PHF3: variants seen among roughly 807,000 people sequenced by gnomAD.
PHF3 encodes PHD finger protein 3.
In PHF3, 41 loss-of-function variants were observed where a neutral mutation model predicts 178.4. The observed-to-expected ratio is 0.23, with a 90% confidence interval of 0.18 to 0.30. The LOEUF is 0.30. Among genes scored for constraint, PHF3 ranks in the 10% least tolerant of loss-of-function variants. The pLI is 1.00. For synonymous variants in PHF3, 842 were observed against 800.5 expected (o/e 1.05, Z -0.88); for missense variants, 2,346 against 2,398.1 (o/e 0.98, Z 0.45).
intron 2 of PHF3, among the ~76,000 whole-genome samples, chr6:63,652,712 T>C (rs916368521): frequency 2.6e-5 from 4 of 152,124 alleles, no homozygotes; most frequent in African/African-American, 9.6e-5. Context: ...TTTTTGTATA[T>C]GGAGAGAGAT....
chr6:63,656,867 T>C (rs957761607), intron 2 of PHF3, among the ~76,000 whole-genome samples: 2 of 152,240 alleles, frequency 1.3e-5, no homozygotes, highest in Non-Finnish European at 2.9e-5. Context: ...ATTGCTGCTG[T>C]GTTGCCTGAT....
rs537014309 is a variant in PHF3, at chr6:63,681,889, A to G, written c.406+1728A>G. ...GTGTGGGGATTGGGTTTTACCAGCT[A>G]TGAGCGTCAGTGTATAGCAATCTGG... On this transcript the variant is annotated intron_variant, in intron 3 of 15. Transcript: ENST00000262043. 9.2e-5 allele frequency among the ~76,000 whole-genome samples: 14 copies of G among 152,184 alleles called. 1 individual carries two copies. The South Asian group carries it at 2.3e-3, about 25-fold the overall frequency.
In PHF3 at chr6:63,685,123, T is replaced by G; in HGVS notation, c.1401T>G (p.Leu467=). The part of the protein sequence containing the change: ...TKIESHETAN[L]QDDRNSQSSS... The stretch of plus-strand genomic sequence containing the variant: ...TAGAGTCCCATGAAACAGCAAACCT[T>G]CAGGATGACAGAAACAGCCAGTCAA... The change falls in exon 4 of 16, where the codon CTT becomes CTG. Residue 467 remains leucine (L), a synonymous_variant. Transcript: ENST00000262043. 4 of 1,614,006 alleles carry G rather than the reference T, an allele frequency of 2.5e-6. No homozygotes were observed. Among genetic ancestry groups the G allele is most frequent in the Non-Finnish European group, 3.4e-6 (4 of 1,179,994 alleles).
In PHF3 at chr6:63,636,003, GAA is replaced by G; in HGVS notation, c.-170_-169del. The G allele has an allele frequency of 5.0e-6, 2 of 397,752 alleles. No individual in the cohort carries two copies. The highest frequency in any genetic ancestry group is 3.6e-5 in the East Asian group (1 of 28,010). 24.6% of individuals were successfully genotyped at this position (397,752 alleles called of 1,614,324 possible). A position where few individuals can be genotyped will look rare whatever the true frequency, so the allele number is the denominator to read the frequency against. On this transcript the variant is annotated 5_prime_UTR_variant, in exon 1 of 16. Transcript: ENST00000262043. ...AGCAGCAGCCATTTGGTCCCAGGAG[GAA>G]AAGAGGCTGTGGCAGCGACGCCGAC... is the stretch of plus-strand genomic sequence containing the variant.
chr6:63,654,450 T>C (rs892597380), intron 2 of PHF3, among the ~76,000 whole-genome samples: 39 of 152,182 alleles, frequency 2.6e-4, no homozygotes, highest in African/African-American at 9.4e-4. Flanking sequence ...TTCTGTAAGA[T>C]TGATGATTAA....
At chr6:63,699,341 A>G (rs1019321156) in intron 8 of PHF3, among the ~76,000 whole-genome samples, 2 of 152,210 alleles carry the variant, frequency 1.3e-5, no homozygotes, top group South Asian at 4.1e-4. Flanking sequence ...GTTTTTTGCT[A>G]TAGATTACTC....
At chr6:63,665,003 A>G (rs913336399) in intron 2 of PHF3, among the ~76,000 whole-genome samples, 3 of 152,290 alleles carry the variant, frequency 2.0e-5, no homozygotes, top group Non-Finnish European at 2.9e-5. Context: ...AAGTGGTTAC[A>G]TTAAATAATT....
At chr6:63,680,248 T>C (rs1183269884) in intron 3 of PHF3, 87 bp downstream of exon 3, 9 of 1,164,150 alleles carry the variant, frequency 7.7e-6, no homozygotes, top group Non-Finnish European at 1.1e-5. Context: ...AGAAATCATA[T>C]TTTCTTGATG....
chr6:63,661,569 A>G (rs1404483400), intron 2 of PHF3, among the ~76,000 whole-genome samples: 1 of 152,198 alleles, frequency 6.6e-6, no homozygotes, highest in Non-Finnish European at 1.5e-5. Flanking sequence ...GCTTTTTCTT[A>G]TATCCCTCAA....
At position 63,685,704 on chromosome 6, in the gene PHF3, T is replaced by G; in HGVS notation, c.1982T>G (p.Leu661Arg). The change falls in exon 4 of 16, where the codon CTG becomes CGG. Residue 661 changes from leucine (L) to arginine (R), a missense_variant. Leu to Arg is a moderately radical substitution (Grantham distance 102, BLOSUM62 -2). Coordinates refer to ENST00000262043, the MANE Select transcript of PHF3 (RefSeq NM_001370348.2). ...GVEHFKEEDK[L>R]KLKKPEKNLQ... Reference sequence around the variant, plus strand: ...GAGCATTTTAAGGAAGAGGATAAACTGAAACTGAAAAAACCTGAGAAGAAC... The same window carrying G: ...GAGCATTTTAAGGAAGAGGATAAACGGAAACTGAAAAAACCTGAGAAGAAC... 1.2e-6 allele frequency: 2 copies of G among 1,614,018 alleles called. No individual in the cohort carries two copies. Among genetic ancestry groups the G allele is most frequent in the Non-Finnish European group, 1.7e-6 (2 of 1,180,000 alleles).
chr6:63,683,350 T>C (rs1766524413), intron 3 of PHF3, among the ~76,000 whole-genome samples: 1 of 152,094 alleles, frequency 6.6e-6, no homozygotes, highest in Non-Finnish European at 1.5e-5. Context: ...CTCTTTTCAT[T>C]TTGTGTTTCT....
intron 2 of PHF3, among the ~76,000 whole-genome samples, chr6:63,647,731 G>A (rs931606985): frequency 2.0e-5 from 3 of 152,128 alleles, no homozygotes; most frequent in African/African-American, 7.2e-5. Flanking sequence ...ATAAAAAACA[G>A]TTTTTCTTTT....
intron 1 of PHF3, among the ~76,000 whole-genome samples, chr6:63,641,528 ATGTGTG>A (rs201250434): frequency 0.32 from 44,677 of 140,458 alleles, 6,690 homozygotes; most frequent in Admixed American, 0.37. Context: ...TTAGGTGTGT[ATGTGTG>A]TGTGTGTGTG....
chr6:63,642,171 A>G (rs574783152), intron 1 of PHF3, among the ~76,000 whole-genome samples: 7 of 152,326 alleles, frequency 4.6e-5, no homozygotes, highest in Admixed American at 2.0e-4. Context: ...CTGAGTCTTT[A>G]TAAATGGTCC....
chr6:63,706,857 C>A lies in PHF3; in HGVS notation c.3692C>A (p.Ser1231Tyr). The A allele has an allele frequency of 6.2e-7, 1 of 1,613,802 alleles. No homozygotes were observed. The highest frequency in any genetic ancestry group is 8.5e-7 in the Non-Finnish European group (1 of 1,179,848). Reference protein sequence around the residue: ...FVTKAYPVSGSPEYLTEDLPD... With the variant: ...FVTKAYPVSGYPEYLTEDLPD... ...ACCAAAGCCTATCCAGTATCTGGCT[C>A]CCCAGAATACCTGACAGAGGTACTG... The change falls in exon 13 of 16, where the codon TCC becomes TAC. Residue 1231 changes from serine to tyrosine, a missense_variant. This residue lies in a region of PHF3 where 205 missense variants were observed against 212.4 expected (regional missense o/e 0.97). Coordinates refer to ENST00000262043, the MANE Select transcript of PHF3 (RefSeq NM_001370348.2).
intron 2 of PHF3, among the ~76,000 whole-genome samples, chr6:63,650,643 T>C (rs1764982848): frequency 6.6e-6 from 1 of 152,232 alleles, no homozygotes; most frequent in South Asian, 2.1e-4. Context: ...TTTTGGCATA[T>C]GAATTTTAAA....
intron 2 of PHF3, among the ~76,000 whole-genome samples, chr6:63,665,166 C>T (rs995692567): frequency 7.2e-5 from 11 of 151,866 alleles, no homozygotes; most frequent in Non-Finnish European, 1.3e-4. Context: ...TTTCTTAGCC[C>T]GAGTTTTTTC....
At chr6:63,644,488 A>G (rs910702294) in intron 1 of PHF3, among the ~76,000 whole-genome samples, 1 of 152,148 alleles carries the variant, frequency 6.6e-6, no homozygotes, top group Admixed American at 6.5e-5. Context: ...GTGGTAGGGA[A>G]TTCTTAAAGG....
intron 4 of PHF3, among the ~76,000 whole-genome samples, chr6:63,688,104 T>G (rs1171095104): frequency 6.8e-6 from 1 of 146,694 alleles, no homozygotes. Flanking sequence ...GAATGGCGCG[T>G]GAACCCGGGA....
Sources: allele counts gnomAD v4.1 joint callset (sites outside exome capture counted in the v4.1 genomes callset), GRCh38; gene constraint gnomAD v4.1.1; regional missense constraint gnomAD v4.1.1; transcripts MANE v1.5; gene names NCBI Gene and HGNC (gene_info 2026-07-23, HGNC 2026-07-21).